FRMD7: variants seen among roughly 807,000 people sequenced by gnomAD.
FRMD7 encodes the protein FERM domain containing 7.
A neutral mutation model predicts 44.1 loss-of-function variants in FRMD7; 14 were observed. That is an observed-to-expected ratio of 0.32 (90% CI 0.21 to 0.50). The LOEUF (loss-of-function observed/expected upper bound fraction) is 0.50, where lower values mean the gene tolerates loss of function less well. Ranked by LOEUF, FRMD7 falls within the 20% of genes least tolerant of loss-of-function variation. The probability of loss-of-function intolerance (pLI) is 0.99; values close to 1 mark genes in which losing one functional copy is unlikely to be tolerated. For missense variants in FRMD7, 501 were observed against 522.3 expected (o/e 0.96, Z 0.40); for synonymous variants, 212 against 187.4 (o/e 1.13, Z -1.07).
At chrX:132,086,086 A>G (rs1160601111) in intron 5 of FRMD7, 52 bp from the exon 6 acceptor site, 2 of 757,976 alleles carry the variant, frequency 2.6e-6, no homozygotes, top group African/African-American at 2.0e-5. Context: ...GAACTTAGCA[A>G]TGGAGCATCC....
chrX:132,115,792 G>T (rs1928883191), intron 1 of FRMD7, among the ~76,000 whole-genome samples: 1 of 110,861 alleles, frequency 9.0e-6, no homozygotes, highest in Non-Finnish European at 1.9e-5. Flanking sequence ...AACTTAGGAG[G>T]CTCTAGTCCA....
chrX:132,090,543 T>C (rs907712120), intron 5 of FRMD7, among the ~76,000 whole-genome samples: 8 of 111,292 alleles, frequency 7.2e-5, no homozygotes, highest in Non-Finnish European at 1.3e-4. Flanking sequence ...TAGTGGTTGC[T>C]TGGGGCTGAG....
chrX:132,109,399 T>C (rs1195001481), intron 1 of FRMD7, among the ~76,000 whole-genome samples: 1 of 112,184 alleles, frequency 8.9e-6, no homozygotes, highest in Non-Finnish European at 1.9e-5. Flanking sequence ...CTGTTTGTAA[T>C]TTTTATCTGC....
chrX:132,078,312 C>T lies in FRMD7; in HGVS notation c.1705G>A (p.Glu569Lys), dbSNP rs750688292. 3.3e-5 allele frequency: 40 copies of T among 1,210,338 alleles called. No homozygotes were observed. The highest frequency in any genetic ancestry group is 4.1e-5 in the Non-Finnish European group (37 of 895,186). ...GCATCTTCCAAATTTGGGTCTTCCTCTTCTAGACCTACATTGATGTTGCTC... is the reference window on the plus strand; with the variant it reads ...GCATCTTCCAAATTTGGGTCTTCCTTTTCTAGACCTACATTGATGTTGCTC... ...GRSNINVGLE[E>K]EDPNLEDAFV... Residue 569 changes from glutamate to lysine, a missense_variant, in exon 12 of 12, where the codon GAG becomes AAG. By Grantham distance (56) the Glu-to-Lys change is moderately conservative. Transcript: ENST00000298542.
Position 132,078,428 on chromosome X carries a change from G to A in FRMD7, c.1589C>T (p.Pro530Leu). ...HSYVEPTAMK[P>L]AERSPRNIRM... Reference sequence around the variant, plus strand: ...GATATTCCTTGGGCTTCTTTCAGCTGGCTTCATTGCAGTGGGCTCTACATA... The same window carrying A: ...GATATTCCTTGGGCTTCTTTCAGCTAGCTTCATTGCAGTGGGCTCTACATA... The change falls in exon 12 of 12, where the codon CCA becomes CTA. Residue 530 changes from proline to leucine, a missense_variant. By Grantham distance (98) the Pro-to-Leu change is moderately conservative. Transcript: ENST00000298542. 1 of 1,211,445 alleles carries A rather than the reference G, an allele frequency of 8.3e-7. No homozygotes were observed. The highest frequency in any genetic ancestry group is 1.1e-6 in the Non-Finnish European group (1 of 895,356).
intron 1 of FRMD7, among the ~76,000 whole-genome samples, chrX:132,117,278 G>C (rs773809195): frequency 1.8e-5 from 2 of 111,665 alleles, no homozygotes; most frequent in South Asian, 7.6e-4. Flanking sequence ...TGAGCATCTG[G>C]GAAAGTGTGG....
chrX:132,101,183 T>G (rs1451056559), intron 1 of FRMD7, among the ~76,000 whole-genome samples: 1 of 110,604 alleles, frequency 9.0e-6, no homozygotes, highest in Non-Finnish European at 1.9e-5. Flanking sequence ...CTCCCTCCTG[T>G]GGCCATGCCT....
At chrX:132,080,708 G>T (rs5977624) in intron 9 of FRMD7, among the ~76,000 whole-genome samples, 2,108 of 111,138 alleles carry the variant, frequency 0.019, 53 homozygotes, top group African/African-American at 0.067. Flanking sequence ...CTACCACTTG[G>T]GAGGCTGAGG....
rs777332557 is a variant in FRMD7, at chrX:132,083,081, GCTAGAA to G, written c.742-561_742-556del. On this transcript the variant is annotated intron_variant, in intron 8 of 11. Transcript: ENST00000298542. The stretch of plus-strand genomic sequence containing the variant: ...TCTTCCTGACTCAGCCTCCTGAATA[GCTAGAA>G]CTACAGGCATGTGCCACCATACCCG... Among the ~76,000 whole-genome samples the G allele has an allele frequency of 3.6e-5, 4 of 111,698 alleles. No homozygotes were observed. In the South Asian group the frequency reaches 1.5e-3, roughly 42 times the overall value.
intron 7 of FRMD7, among the ~76,000 whole-genome samples, chrX:132,085,143 G>A (rs1927941612): frequency 9.0e-6 from 1 of 111,372 alleles, no homozygotes; most frequent in African/African-American, 3.3e-5. Context: ...TGCCAGCTCT[G>A]ACAGACCCTT....
At chrX:132,081,024 C>T (rs1238384977) in intron 9 of FRMD7, among the ~76,000 whole-genome samples, 1 of 91,075 alleles carries the variant, frequency 1.1e-5, no homozygotes, top group Non-Finnish European at 2.2e-5. Context: ...CCGGGAGAAA[C>T]ATAAAAATCA....
At chrX:132,122,100 A>G (rs918918337) in intron 1 of FRMD7, among the ~76,000 whole-genome samples, 1 of 112,223 alleles carries the variant, frequency 8.9e-6, no homozygotes, top group African/African-American at 3.2e-5. Context: ...AAAGTGAAAG[A>G]CTGTTCTTTG....
intron 9 of FRMD7, among the ~76,000 whole-genome samples, chrX:132,081,358 C>T (rs1345239343): frequency 1.0e-5 from 1 of 99,504 alleles, no homozygotes; most frequent in African/African-American, 4.0e-5. Flanking sequence ...AAACAAACAA[C>T]AACAACAAAA....
intron 1 of FRMD7, among the ~76,000 whole-genome samples, chrX:132,123,484 T>C (rs748296576): frequency 6.5e-4 from 73 of 112,208 alleles, no homozygotes; most frequent in Non-Finnish European, 1.1e-3. Context: ...AACTTTGCCT[T>C]ATGAAGTGAC....
intron 1 of FRMD7, among the ~76,000 whole-genome samples, chrX:132,102,491 G>A (rs1928527966): frequency 8.9e-6 from 1 of 111,911 alleles, no homozygotes; most frequent in Admixed American, 9.4e-5. Context: ...GGGAGGGCCT[G>A]TTTATAGGGG....
chrX:132,080,112 A>G (rs571080820), intron 10 of FRMD7, 31 bp from the exon 11 acceptor site: 3 of 1,117,242 alleles, frequency 2.7e-6, no homozygotes, highest in Middle Eastern at 2.4e-4. Flanking sequence ...AGTCATTGAA[A>G]TGACCTTCAT....
At position 132,080,064 on chromosome X, in the gene FRMD7, T is replaced by C. The variant is rs773298405; in HGVS notation, c.992A>G (p.Gln331Arg). 1.1e-5 allele frequency: 13 copies of C among 1,198,422 alleles called. No homozygotes were observed. Among genetic ancestry groups the C allele is most frequent in the Non-Finnish European group, 1.5e-5 (13 of 883,217 alleles). Residue 331 changes from glutamine to arginine, a missense_variant, in exon 11 of 12, where the codon CAG becomes CGG. By Grantham distance (43) the Gln-to-Arg change is conservative. This residue lies in a region of FRMD7 where 453 missense variants were observed against 452.7 expected (regional missense o/e 1.00). Transcript: ENST00000298542. ...LPFERKHYPS[Q>R]YHERQCRSSP... ...GGACCTGCACTGTCGTTCATGGTAC[T>C]GAGATGGGTAATGTTTCCTGAAATC...
In FRMD7 at chrX:132,077,959, T is replaced by G. The variant is rs1382390518; in HGVS notation, c.2058A>C (p.Leu686Phe). 3.3e-6 allele frequency: 4 copies of G among 1,211,719 alleles called. No individual in the cohort carries two copies. In the South Asian group the frequency reaches 7.0e-5, roughly 21 times the overall value. Residue 686 changes from leucine (L) to phenylalanine (F), a missense_variant, in exon 12 of 12, where the codon TTA becomes TTC. Physicochemically the swap from Leu to Phe is conservative, Grantham distance 22. This residue lies in a region of FRMD7 where 453 missense variants were observed against 452.7 expected (regional missense o/e 1.00). Coordinates refer to ENST00000298542, the MANE Select transcript of FRMD7 (RefSeq NM_194277.3). ...RIRLSSGSLQ[L>F]DEEDEDAYFN... ...AATAAGCATCTTCATCTTCTTCATC[T>G]AACTGTAGACTACCAGAAGACAGGC...
chrX:132,089,829 A>G (rs913994892), intron 5 of FRMD7, among the ~76,000 whole-genome samples: 1 of 112,171 alleles, frequency 8.9e-6, no homozygotes, highest in Non-Finnish European at 1.9e-5. Flanking sequence ...GATATACAAT[A>G]CCAAGTGTTA....
Sources: gnomAD v4.1 joint callset for allele counts (sites outside exome capture counted in the v4.1 genomes callset) on GRCh38, gnomAD v4.1.1 for gene constraint, gnomAD v4.1.1 regional missense constraint, MANE v1.5 for transcripts, NCBI Gene and HGNC (gene_info 2026-07-23, HGNC 2026-07-21) for gene names.